MAP2K4: variants seen among roughly 807,000 people sequenced by gnomAD.
The protein encoded by MAP2K4 is mitogen-activated protein kinase kinase 4.
Under a neutral mutation model 48.5 loss-of-function variants are expected in MAP2K4, and 4 were observed. That is an observed-to-expected ratio of 0.08 (90% CI 0.04 to 0.19). The LOEUF (loss-of-function observed/expected upper bound fraction) is 0.19. Ranked by LOEUF, MAP2K4 falls within the 10% of genes least tolerant of loss-of-function variation. MAP2K4 has a pLI of 1.00. For missense variants in MAP2K4, 258 were observed against 493.3 expected, an observed-to-expected ratio of 0.52 and a Z score of 4.52; for synonymous variants, 166 against 173.1, an observed-to-expected ratio of 0.96 and a Z score of 0.32.
chr17:12,131,940 G>T (rs1042635998), intron 9 of MAP2K4, among the ~76,000 whole-genome samples: 3 of 152,166 alleles, frequency 2.0e-5, no homozygotes, highest in African/African-American at 7.2e-5. Context: ...GCACTTTAAA[G>T]ATGATATTCA....
chr17:12,131,234 C>CTTTTTTTTTTTTTTTT (rs11307653), intron 9 of MAP2K4, among the ~76,000 whole-genome samples: 2 of 130,916 alleles, frequency 1.5e-5, no homozygotes, highest in African/African-American at 2.8e-5. Flanking sequence ...GGTCACATTT[C>CTTTTTTTTTTTTTTTT]TTTTTTTTTT....
chr17:12,047,554 T>C (rs942480382), intron 1 of MAP2K4, among the ~76,000 whole-genome samples: 12 of 152,222 alleles, frequency 7.9e-5, no homozygotes, highest in African/African-American at 2.9e-4. Context: ...GTTTCTAGTT[T>C]AATAGAATTA....
At chr17:12,078,245 G>A (rs568266942) in intron 2 of MAP2K4, among the ~76,000 whole-genome samples, 2 of 152,302 alleles carry the variant, frequency 1.3e-5, no homozygotes, top group African/African-American at 4.8e-5. Flanking sequence ...GCTGTTGTCT[G>A]AGTTTCCCAG....
At chr17:12,137,729 T>G (rs1185624695) in intron 9 of MAP2K4, among the ~76,000 whole-genome samples, 4 of 152,088 alleles carry the variant, frequency 2.6e-5, no homozygotes, top group African/African-American at 9.7e-5. Context: ...GAGAACTGAT[T>G]TAGTATAGGT....
intron 7 of MAP2K4, among the ~76,000 whole-genome samples, chr17:12,123,479 A>G (rs568584826): frequency 1.0e-3 from 152 of 152,112 alleles, no homozygotes; most frequent in Non-Finnish European, 1.8e-3. Context: ...GATCTTTTCA[A>G]AGTACTGTTG....
At chr17:12,051,952 G>T (rs554607627) in intron 1 of MAP2K4, among the ~76,000 whole-genome samples, 1 of 151,878 alleles carries the variant, frequency 6.6e-6, no homozygotes, top group Non-Finnish European at 1.5e-5. Flanking sequence ...ATGCCTCCAG[G>T]TAGCCAGAAA....
chr17:12,061,645 T>C (rs1301673164), intron 2 of MAP2K4, among the ~76,000 whole-genome samples: 1 of 152,210 alleles, frequency 6.6e-6, no homozygotes, highest in Non-Finnish European at 1.5e-5. Context: ...AATCAGAGAC[T>C]GAGGCAGACA....
At chr17:12,095,421 T>G in intron 3 of MAP2K4, 154 bp from the exon 4 acceptor site, 2 of 791,074 alleles carry the variant, frequency 2.5e-6, no homozygotes, top group South Asian at 3.0e-5. Flanking sequence ...TCTTGTGAAG[T>G]ATAAGGAAAG....
At chr17:12,107,382 C>CT (rs71367383) in intron 4 of MAP2K4, among the ~76,000 whole-genome samples, 7,629 of 106,324 alleles carry the variant, frequency 0.072, 276 homozygotes, top group South Asian at 0.09. Flanking sequence ...TGTCTTTTTC[C>CT]TTTTTTTTTT....
At chr17:12,114,409 TG>T in intron 7 of MAP2K4, among the ~76,000 whole-genome samples, 1 of 138,928 alleles carries the variant, frequency 7.2e-6, no homozygotes, top group South Asian at 2.3e-4. Context: ...TGTGTGTGTG[TG>T]TGTGTGTAGA....
At chr17:12,031,538 T>A (rs1252070342) in intron 1 of MAP2K4, among the ~76,000 whole-genome samples, 1 of 152,216 alleles carries the variant, frequency 6.6e-6, no homozygotes, top group East Asian at 1.9e-4. Context: ...ATTGGCTTAC[T>A]TTACTGGATG....
At chr17:12,128,195 A>T (rs1972913350) in intron 8 of MAP2K4, among the ~76,000 whole-genome samples, 3 of 152,146 alleles carry the variant, frequency 2.0e-5, no homozygotes, top group Admixed American at 2.0e-4. Context: ...CCCCTGCCTC[A>T]GCCTCCTGAA....
intron 2 of MAP2K4, among the ~76,000 whole-genome samples, chr17:12,080,358 G>A (rs369535535): frequency 7.9e-5 from 12 of 152,172 alleles, no homozygotes; most frequent in African/African-American, 2.4e-4. Flanking sequence ...CTTTCATTGT[G>A]TGTATGGTTG....
chr17:12,124,325 C>G (rs1259710197), intron 7 of MAP2K4: 2 of 152,168 alleles, frequency 1.3e-5, no homozygotes, highest in Non-Finnish European at 2.9e-5. Context: ...TTTAGATGGT[C>G]CCTAATTTCA....
At chr17:12,029,888 A>G (rs910420731) in intron 1 of MAP2K4, among the ~76,000 whole-genome samples, 1 of 152,042 alleles carries the variant, frequency 6.6e-6, no homozygotes, top group Non-Finnish European at 1.5e-5. Flanking sequence ...ACTGCACTCC[A>G]GCATGAGCGA....
At chr17:12,065,710 A>G (rs925680301) in intron 2 of MAP2K4, among the ~76,000 whole-genome samples, 56 of 152,368 alleles carry the variant, frequency 3.7e-4, no homozygotes, top group African/African-American at 1.3e-3. Flanking sequence ...CTGGGATTAC[A>G]GGCTTGAGCC....
chr17:12,093,004 C>T (rs1335641700), intron 3 of MAP2K4, among the ~76,000 whole-genome samples: 4 of 152,052 alleles, frequency 2.6e-5, no homozygotes, highest in East Asian at 3.9e-4. Flanking sequence ...CCGGCCTGGG[C>T]GAAAGAGCAA....
At chr17:12,095,215 CTATAAT>C (rs1413281940) in intron 3 of MAP2K4, among the ~76,000 whole-genome samples, 1 of 152,126 alleles carries the variant, frequency 6.6e-6, no homozygotes, top group Admixed American at 6.5e-5. Context: ...ATACAGCTAC[CTATAAT>C]TATTCATATG....
chr17:12,082,842 G>T (rs1219911677), intron 3 of MAP2K4, among the ~76,000 whole-genome samples: 1 of 152,216 alleles, frequency 6.6e-6, no homozygotes, highest in Non-Finnish European at 1.5e-5. Flanking sequence ...CACAGGTGAA[G>T]AACTCTGCAT....
Sources: gnomAD v4.1 joint callset for allele counts (sites outside exome capture counted in the v4.1 genomes callset) on GRCh38, gnomAD v4.1.1 for gene constraint, MANE v1.5 for transcripts, NCBI Gene and HGNC (gene_info 2026-07-23, HGNC 2026-07-21) for gene names.